The following BCL2 variants were observed in gnomAD, a reference collection of about 807,000 sequenced individuals.
BCL2 encodes the protein BCL2 apoptosis regulator, also known as apoptosis regulator Bcl-2.
In BCL2, 1 loss-of-function variant was observed where a neutral mutation model predicts 14.2. The ratio of observed to expected loss-of-function variants is 0.07; its 90% CI spans 0.02 to 0.33. BCL2 has a LOEUF of 0.33. Ranked by LOEUF, BCL2 falls within the 10% of genes least tolerant of loss-of-function variation. BCL2 has a pLI of 0.99. For missense variants in BCL2, 247 were observed against 305.9 expected (o/e 0.81, Z 1.44); for synonymous variants, 151 against 137.2 (o/e 1.10, Z -0.70).
chr18:63,258,422 T>C (rs1355001290), intron 2 of BCL2, among the ~76,000 whole-genome samples: 1 of 152,200 alleles, frequency 6.6e-6, no homozygotes, highest in Non-Finnish European at 1.5e-5. Context: ...CTCTGGAAAG[T>C]GGGACCAAGG....
intron 2 of BCL2, among the ~76,000 whole-genome samples, chr18:63,146,630 G>A (rs1484650608): frequency 3.9e-5 from 6 of 152,212 alleles, no homozygotes; most frequent in Non-Finnish European, 8.8e-5. Flanking sequence ...TTCTTTGTGT[G>A]TTTTCACCTC....
intron 2 of BCL2, among the ~76,000 whole-genome samples, chr18:63,286,349 T>A (rs1912473347): frequency 6.6e-6 from 1 of 152,172 alleles, no homozygotes; most frequent in South Asian, 2.1e-4. Context: ...ACAAAACCTA[T>A]TGTATATATA....
intron 2 of BCL2, among the ~76,000 whole-genome samples, chr18:63,153,139 G>A (rs1289221407): frequency 1.3e-5 from 2 of 152,100 alleles, no homozygotes; most frequent in South Asian, 4.1e-4. Flanking sequence ...TACTAGATTC[G>A]TCAATGAGTT....
intron 2 of BCL2, among the ~76,000 whole-genome samples, chr18:63,234,761 T>C (rs1442565071): frequency 6.6e-6 from 1 of 152,210 alleles, no homozygotes; most frequent in Non-Finnish European, 1.5e-5. Flanking sequence ...TTAGTCAATT[T>C]ACTTAAACTC....
chr18:63,213,910 CAG>C (rs949115557), intron 2 of BCL2, among the ~76,000 whole-genome samples: 1 of 152,116 alleles, frequency 6.6e-6, no homozygotes, highest in African/African-American at 2.4e-5. Context: ...TCCCAAAAAA[CAG>C]TGTCAGATAA....
At chr18:63,263,566 A>C (rs1911724166) in intron 2 of BCL2, among the ~76,000 whole-genome samples, 1 of 151,982 alleles carries the variant, frequency 6.6e-6, no homozygotes, top group South Asian at 2.1e-4. Flanking sequence ...CAAGGGTGTC[A>C]ATCTGTTTCT....
chr18:63,245,325 G>T (rs1911123575), intron 2 of BCL2, among the ~76,000 whole-genome samples: 2 of 152,198 alleles, frequency 1.3e-5, no homozygotes, highest in South Asian at 4.2e-4. Flanking sequence ...GCTTGTAGAT[G>T]GTCTTCATAT....
At chr18:63,140,586 T>C (rs535873591) in intron 2 of BCL2, among the ~76,000 whole-genome samples, 19 of 152,300 alleles carry the variant, frequency 1.2e-4, no homozygotes, top group African/African-American at 4.3e-4. Context: ...ACATGCAATG[T>C]CCAAAATAGG....
rs1384400839 is a variant in BCL2 at position 63,150,502 on chromosome 18, T to C, written c.586-21743A>G. On this transcript the variant is annotated intron_variant, in intron 2 of 2. Transcript: ENST00000333681. ...TCTCTTGTTTTTCTTTCCCTCTGCG[T>C]CTGAGGTTGCCATTCCCCACTTTCT... Among the ~76,000 whole-genome samples, 4 of 152,112 alleles carry C rather than the reference T, an allele frequency of 2.6e-5. No individual in the cohort carries two copies. In the East Asian group the frequency reaches 7.8e-4, roughly 30 times the overall value.
At chr18:63,199,938 A>G (rs1909642550) in intron 2 of BCL2, among the ~76,000 whole-genome samples, 1 of 151,912 alleles carries the variant, frequency 6.6e-6, no homozygotes, top group Non-Finnish European at 1.5e-5. Flanking sequence ...GCACACATGC[A>G]CACACACACA....
rs1599193952 is a variant in BCL2, at chr18:63,124,482, G to A, written c.*4143C>T. 1.3e-5 allele frequency: 3 copies of A among 231,382 alleles called. No individual in the cohort carries two copies. The highest frequency in any genetic ancestry group is 3.6e-4 in the South Asian group (2 of 5,512). The allele number at this position is 231,382 out of a possible 1,614,324, so 14.3% of individuals were successfully genotyped here. ...TCTCATTTGTCACACAAGGTTCTTC[G>A]CAGAGGCATCACATCGACCCCAATA... is the stretch of plus-strand genomic sequence containing the variant. On this transcript the variant is annotated 3_prime_UTR_variant, in exon 3 of 3. Coordinates refer to ENST00000333681, the MANE Select transcript of BCL2 (RefSeq NM_000633.3).
chr18:63,191,871 G>T (rs975811846), intron 2 of BCL2, among the ~76,000 whole-genome samples: 1 of 152,184 alleles, frequency 6.6e-6, no homozygotes, highest in African/African-American at 2.4e-5. Flanking sequence ...GCTGAAATAT[G>T]AAATTAAAAA....
At chr18:63,281,059 C>T (rs1179681450) in intron 2 of BCL2, among the ~76,000 whole-genome samples, 4 of 152,270 alleles carry the variant, frequency 2.6e-5, no homozygotes, top group African/African-American at 9.6e-5. Flanking sequence ...TTGAAGACAT[C>T]ATGCTTAGTG....
In BCL2 at chr18:63,318,026, C is replaced by T. The variant is rs758455722; in HGVS notation, c.585+56G>A. 1.3e-6 allele frequency: 2 copies of T among 1,584,044 alleles called. No homozygotes were observed. The highest frequency in any genetic ancestry group is 2.3e-5 in the East Asian group (1 of 44,162). On this transcript the variant is annotated intron_variant, in intron 2 of 2. Transcript: ENST00000333681. This position sits in a 1 kb window ranked among gnomAD's most constrained non-coding sequence, Gnocchi z 7.4. ...CCCAGGAGCCCACCCGCACTCCAAC[C>T]CCCGCATCTCGGACCTGTGGCCTCA...
chr18:63,129,565 T>C (rs1269854035), intron 2 of BCL2, among the ~76,000 whole-genome samples: 1 of 152,210 alleles, frequency 6.6e-6, no homozygotes, highest in Non-Finnish European at 1.5e-5. Flanking sequence ...AGGCATGCGC[T>C]TTCTCATCCA....
chr18:63,242,319 A>G (rs1317018050), intron 2 of BCL2, among the ~76,000 whole-genome samples: 1 of 152,236 alleles, frequency 6.6e-6, no homozygotes, highest in African/African-American at 2.4e-5. Context: ...ATCTGACTTC[A>G]ATGTCACTTG....
At chr18:63,281,734 A>AAGAAAG (rs1555707217) in intron 2 of BCL2, among the ~76,000 whole-genome samples, 7 of 144,234 alleles carry the variant, frequency 4.9e-5, no homozygotes, top group African/African-American at 1.8e-4. Context: ...GAAAGAAAGA[A>AAGAAAG]AGAAAAAGAG....
intron 2 of BCL2, among the ~76,000 whole-genome samples, chr18:63,129,395 G>A (rs1011424925): frequency 6.6e-6 from 1 of 151,636 alleles, no homozygotes; most frequent in Non-Finnish European, 1.5e-5. Context: ...ACTCAAGAGT[G>A]ATCCTCCTGC....
At chr18:63,286,550 G>A (rs1912480297) in intron 2 of BCL2, among the ~76,000 whole-genome samples, 1 of 152,124 alleles carries the variant, frequency 6.6e-6, no homozygotes, top group African/African-American at 2.4e-5. Flanking sequence ...AACTTTAATG[G>A]GAGGTAGACT....
Sources: gnomAD v4.1 joint callset for allele counts (sites outside exome capture counted in the v4.1 genomes callset) on GRCh38, gnomAD v4.1.1 for gene constraint, Gnocchi (gnomAD v3.1) non-coding constraint, MANE v1.5 for transcripts, NCBI Gene and HGNC (gene_info 2026-07-23, HGNC 2026-07-21) for gene names.